Variants in SUGCT observed in about 807,000 individuals in gnomAD.
The protein encoded by SUGCT is succinyl-CoA:glutarate-CoA transferase, also known as succinyl-CoA:glutarate CoA-transferase.
SUGCT carries 41 observed loss-of-function variants against 55.0 expected under a neutral mutation model. That is an observed-to-expected ratio of 0.74 (90% CI 0.58 to 0.97). SUGCT has a LOEUF of 0.97. SUGCT is among the 50% of genes least tolerant of loss of function. The pLI is 0.00. For synonymous variants in SUGCT, 187 were observed against 200.4 expected (o/e 0.93, Z 0.56); for missense variants, 568 against 547.8 (o/e 1.04, Z -0.37).
intron 12 of SUGCT, among the ~76,000 whole-genome samples, chr7:40,540,544 G>A (rs1156354871): frequency 6.6e-6 from 1 of 152,238 alleles, no homozygotes; most frequent in East Asian, 1.9e-4. Flanking sequence ...GAAAGTTACA[G>A]AAAATACAGC....
At chr7:40,605,897 G>A (rs527599359) in intron 12 of SUGCT, among the ~76,000 whole-genome samples, 5 of 152,326 alleles carry the variant, frequency 3.3e-5, no homozygotes, top group Non-Finnish European at 2.9e-5. Flanking sequence ...TTGAGAGGCT[G>A]GAGTCCAAGG....
chr7:40,808,297 A>G (rs1791218368), intron 13 of SUGCT: 1 of 152,248 alleles, frequency 6.6e-6, no homozygotes, highest in Non-Finnish European at 1.5e-5. Context: ...AGGCCATCAG[A>G]CATCCCAGCA....
chr7:41,012,671 C>G, the SUGCT span, among the ~76,000 whole-genome samples: 120 of 152,154 alleles, frequency 7.9e-4, no homozygotes, highest in Middle Eastern at 3.4e-3. Context: ...CTTCAATTCT[C>G]TCTAGACAGT....
At chr7:40,726,822 G>A (rs1786637017) in intron 12 of SUGCT, among the ~76,000 whole-genome samples, 4 of 152,158 alleles carry the variant, frequency 2.6e-5, no homozygotes, top group Admixed American at 2.6e-4. Flanking sequence ...AGGAACAAGT[G>A]TGATCATCAG....
At chr7:40,650,326 G>T (rs1800714051) in intron 12 of SUGCT, among the ~76,000 whole-genome samples, 1 of 152,100 alleles carries the variant, frequency 6.6e-6, no homozygotes, top group Admixed American at 6.5e-5. Flanking sequence ...TGTGCTCAAA[G>T]GGGGGGATTA....
At chr7:40,664,501 C>T (rs1196463854) in intron 12 of SUGCT, among the ~76,000 whole-genome samples, 4 of 152,088 alleles carry the variant, frequency 2.6e-5, no homozygotes, top group Admixed American at 6.5e-5. Flanking sequence ...GAAATGGATC[C>T]TAGGTATCAG....
chr7:40,463,047 A>G (rs551477689), intron 11 of SUGCT, among the ~76,000 whole-genome samples: 10 of 152,354 alleles, frequency 6.6e-5, no homozygotes, highest in Admixed American at 6.5e-4. Context: ...TATTTTTAGT[A>G]ACAGTAGCCA....
chr7:40,276,410 G>C (rs1215263784), intron 8 of SUGCT, among the ~76,000 whole-genome samples: 1 of 152,134 alleles, frequency 6.6e-6, no homozygotes, highest in Non-Finnish European at 1.5e-5. Flanking sequence ...GTCATGGGTA[G>C]CCCTGGGCTT....
chr7:40,455,905 C>T (rs1268354252), intron 10 of SUGCT, among the ~76,000 whole-genome samples: 1 of 152,118 alleles, frequency 6.6e-6, no homozygotes, highest in Non-Finnish European at 1.5e-5. Context: ...AAAGTGATGG[C>T]GGTGTATATG....
chr7:40,741,913 G>A (rs886829835), intron 12 of SUGCT, among the ~76,000 whole-genome samples: 29 of 152,014 alleles, frequency 1.9e-4, no homozygotes, highest in Admixed American at 1.9e-3. Context: ...ACTGATACAA[G>A]TAGAAAAAAA....
intron 9 of SUGCT, among the ~76,000 whole-genome samples, chr7:40,432,082 T>C (rs1256925531): frequency 6.6e-6 from 1 of 152,200 alleles, no homozygotes; most frequent in East Asian, 1.9e-4. Context: ...GTGATGAGAT[T>C]GGGCATCCTT....
intron 7 of SUGCT, among the ~76,000 whole-genome samples, chr7:40,250,218 C>A (rs1054775593): frequency 6.6e-6 from 1 of 151,880 alleles, no homozygotes; most frequent in Non-Finnish European, 1.5e-5. Context: ...GGCAACATGG[C>A]GAAACCCCAT....
rs549436674 is a variant in SUGCT at position 40,455,554 on chromosome 7, A to G, written c.889-3547A>G. Among the ~76,000 whole-genome samples the G allele has an allele frequency of 6.6e-5, 10 of 152,336 alleles. No homozygotes were observed. In the East Asian group the frequency reaches 1.9e-3, roughly 29 times the overall value. Reference sequence around the variant, plus strand: ...ATGAAAAGAAAACTGGAGTGGGGCTATATTAATTATGGACCAGTTTTTGTC... The same window carrying G: ...ATGAAAAGAAAACTGGAGTGGGGCTGTATTAATTATGGACCAGTTTTTGTC... On this transcript the variant is annotated intron_variant, in intron 10 of 13. Coordinates refer to ENST00000335693, the MANE Select transcript of SUGCT (RefSeq NM_001193313.2).
At chr7:40,247,171 G>A (rs902025288) in intron 7 of SUGCT, among the ~76,000 whole-genome samples, 2 of 152,166 alleles carry the variant, frequency 1.3e-5, no homozygotes, top group African/African-American at 4.8e-5. Flanking sequence ...GCTTTAGTAA[G>A]CTGCTGGTTT....
chr7:40,429,711 G>T (rs570848739), intron 9 of SUGCT, among the ~76,000 whole-genome samples: 1 of 152,126 alleles, frequency 6.6e-6, no homozygotes, highest in African/African-American at 2.4e-5. Context: ...TTGAGGGTGG[G>T]TCTGCCTCTC....
intron 12 of SUGCT, among the ~76,000 whole-genome samples, chr7:40,739,278 C>A (rs893533515): frequency 1.3e-5 from 2 of 152,152 alleles, no homozygotes; most frequent in Non-Finnish European, 2.9e-5. Flanking sequence ...CTTCTGGAGA[C>A]CCCCAATCTG....
the SUGCT span, among the ~76,000 whole-genome samples, chr7:40,893,268 G>A: frequency 6.6e-6 from 1 of 152,098 alleles, no homozygotes; most frequent in Non-Finnish European, 1.5e-5. Flanking sequence ...TAGATTATCT[G>A]GAGAGAAAAC....
intron 12 of SUGCT, among the ~76,000 whole-genome samples, chr7:40,676,497 G>GTTTTTTTTTTTTTTTTT (rs1280564538): frequency 7.8e-6 from 1 of 127,642 alleles, no homozygotes; most frequent in South Asian, 2.4e-4. Flanking sequence ...TTGCGGTTTT[G>GTTTTTTTTTTTTTTTTT]TTTTTTGTTT....
chr7:40,307,769 T>C (rs1794916751), intron 8 of SUGCT, among the ~76,000 whole-genome samples: 1 of 151,712 alleles, frequency 6.6e-6, no homozygotes, highest in Admixed American at 6.6e-5. Context: ...ATACCTTATG[T>C]ACTCTGGAGT....
Sources: gnomAD v4.1 joint callset for allele counts (sites outside exome capture counted in the v4.1 genomes callset) on GRCh38, gnomAD v4.1.1 for gene constraint, MANE v1.5 for transcripts, NCBI Gene and HGNC (gene_info 2026-07-23, HGNC 2026-07-21) for gene names.